CNKSR2: variants seen among roughly 807,000 people sequenced by gnomAD.
CNKSR2 encodes the protein CNK homolog protein 2.
A neutral mutation model predicts 84.4 loss-of-function variants in CNKSR2; 14 were observed. That is an observed-to-expected ratio of 0.17 (90% CI 0.11 to 0.26). The LOEUF is 0.26. Ranked by LOEUF, CNKSR2 falls within the 10% of genes least tolerant of loss-of-function variation. The pLI, the probability that CNKSR2 is intolerant of heterozygous loss-of-function variation, is 1.00. For synonymous variants in CNKSR2, 275 were observed against 277.9 expected (o/e 0.99, Z 0.10); for missense variants, 485 against 771.2 (o/e 0.63, Z 4.40).
chrX:21,472,638 TA>T (rs1366154619), intron 5 of CNKSR2, among the ~76,000 whole-genome samples: 2 of 111,739 alleles, frequency 1.8e-5, no homozygotes, highest in Non-Finnish European at 3.8e-5. Flanking sequence ...TAGTTCCAGT[TA>T]CAAATGCACA....
intron 1 of CNKSR2, among the ~76,000 whole-genome samples, chrX:21,405,341 G>T (rs1465786730): frequency 8.9e-6 from 1 of 111,821 alleles, no homozygotes; most frequent in Non-Finnish European, 1.9e-5. Context: ...AGTGGAATTT[G>T]ATAGCTTTTT....
chrX:21,625,144 G>A (rs539277989), intron 20 of CNKSR2, among the ~76,000 whole-genome samples: 9 of 112,272 alleles, frequency 8.0e-5, no homozygotes, highest in South Asian at 7.3e-4. Context: ...AATGCACATC[G>A]TATTCTAAAA....
rs183793965 is a variant in CNKSR2, at chrX:21,627,250, T to G, written c.2692+17633T>G. On this transcript the variant is annotated intron_variant, in intron 20 of 21. Transcript: ENST00000379510. ...GCTCACACCTGTAATCCCAGCACTT[T>G]AGGAGGCCAAGGCAGGTGGATAATG... Among the ~76,000 whole-genome samples, 5 of 110,169 alleles carry G rather than the reference T, an allele frequency of 4.5e-5. No homozygotes were observed. The East Asian group carries it at 1.4e-3, about 31-fold the overall frequency.
rs751894263 is a variant in CNKSR2, at chrX:21,374,884, C to T, written c.-14C>T. The T allele has an allele frequency of 8.3e-7, 1 of 1,205,711 alleles. No homozygotes were observed. The highest frequency in any genetic ancestry group is 2.2e-5 in the Admixed American group (1 of 46,139). On this transcript the variant is annotated 5_prime_UTR_variant, in exon 1 of 22. Transcript: ENST00000379510. Reference sequence around the variant, plus strand: ...TCTGAGCTCTGCGCTCTGCACGGAACCGACCCCGTACCCATGGCTCTGATA... The same window carrying T: ...TCTGAGCTCTGCGCTCTGCACGGAATCGACCCCGTACCCATGGCTCTGATA...
intron 8 of CNKSR2, chrX:21,506,895 A>G (rs1302498806): frequency 9.1e-6 from 1 of 110,129 alleles, no homozygotes; most frequent in Non-Finnish European, 1.9e-5. Context: ...AAATGTATCT[A>G]TTGGCTGAAG....
intron 12 of CNKSR2, 148 bp from the exon 13 acceptor site, chrX:21,563,090 G>T: frequency 2.3e-6 from 1 of 434,150 alleles, no homozygotes. Flanking sequence ...TATTAGATTG[G>T]GGCAAAAGTA....
At chrX:21,509,439 C>T (rs1194428587) in intron 8 of CNKSR2, among the ~76,000 whole-genome samples, 1 of 111,625 alleles carries the variant, frequency 9.0e-6, no homozygotes, top group Non-Finnish European at 1.9e-5. Flanking sequence ...AGACTTTCTT[C>T]GAATCATGTT....
intron 8 of CNKSR2, among the ~76,000 whole-genome samples, chrX:21,512,001 C>A (rs1259988576): frequency 8.9e-6 from 1 of 111,734 alleles, no homozygotes; most frequent in African/African-American, 3.3e-5. Context: ...TGTATTCACC[C>A]TATTGAGGTA....
At chrX:21,422,647 T>C (rs934686158) in intron 1 of CNKSR2, among the ~76,000 whole-genome samples, 6 of 112,210 alleles carry the variant, frequency 5.3e-5, no homozygotes, top group African/African-American at 1.9e-4. Flanking sequence ...GAACTTATAG[T>C]TGTGTTTATC....
chrX:21,442,910 C>A (rs1404459242), intron 4 of CNKSR2, among the ~76,000 whole-genome samples: 1 of 110,725 alleles, frequency 9.0e-6, no homozygotes, highest in Non-Finnish European at 1.9e-5. Flanking sequence ...AACAGAAAAC[C>A]AAATACCATA....
chrX:21,384,220 T>C (rs1415572043), intron 1 of CNKSR2, among the ~76,000 whole-genome samples: 1 of 111,502 alleles, frequency 9.0e-6, no homozygotes, highest in Non-Finnish European at 1.9e-5. Context: ...CCAAGTTTGA[T>C]GTGGTATAGA....
At chrX:21,597,677 C>T (rs1250971577) in intron 17 of CNKSR2, among the ~76,000 whole-genome samples, 1 of 110,252 alleles carries the variant, frequency 9.1e-6, no homozygotes. Context: ...GGAACACCCA[C>T]CTACAGCTTT....
intron 5 of CNKSR2, among the ~76,000 whole-genome samples, chrX:21,477,254 C>G (rs2091269548): frequency 8.9e-6 from 1 of 111,986 alleles, no homozygotes; most frequent in African/African-American, 3.2e-5. Context: ...GTATATGGCA[C>G]TTTGTATTTT....
Position 21,636,846 on chromosome X carries a change from C to T in CNKSR2, c.2693-11985C>T, listed in dbSNP as rs779180203. Among the ~76,000 whole-genome samples the T allele has an allele frequency of 1.2e-3, 133 of 110,288 alleles. 1 individual carries two copies. Among genetic ancestry groups the T allele is most frequent in the East Asian group, 4.2e-3 (15 of 3,549 alleles). ...AGGCACCCATTAAACCTTTACTGAACGATATATTTCTATAAAAATTAATTA... is the reference window on the plus strand; with the variant it reads ...AGGCACCCATTAAACCTTTACTGAATGATATATTTCTATAAAAATTAATTA... On this transcript the variant is annotated intron_variant, in intron 20 of 21. Coordinates refer to ENST00000379510, the MANE Select transcript of CNKSR2 (RefSeq NM_014927.5).
intron 4 of CNKSR2, among the ~76,000 whole-genome samples, chrX:21,444,562 G>A (rs768223201): frequency 9.1e-6 from 1 of 110,403 alleles, no homozygotes; most frequent in Non-Finnish European, 1.9e-5. Context: ...GTGAAGATTA[G>A]AAACTGATTT....
intron 11 of CNKSR2, among the ~76,000 whole-genome samples, chrX:21,558,373 T>C (rs2092157550): frequency 9.0e-6 from 1 of 111,478 alleles, no homozygotes; most frequent in Non-Finnish European, 1.9e-5. Flanking sequence ...ATAATATACT[T>C]TATTTTTTAA....
chrX:21,434,610 T>G (rs2090679285), intron 3 of CNKSR2, among the ~76,000 whole-genome samples: 2 of 111,673 alleles, frequency 1.8e-5, no homozygotes, highest in Non-Finnish European at 3.8e-5. Flanking sequence ...AGAATAAAAA[T>G]TTTGTCAGTT....
At chrX:21,431,905 A>G (rs1189321303) in intron 2 of CNKSR2, among the ~76,000 whole-genome samples, 1 of 111,841 alleles carries the variant, frequency 8.9e-6, no homozygotes, top group Non-Finnish European at 1.9e-5. Context: ...ACACTTACCA[A>G]AAAGTCACTG....
intron 10 of CNKSR2, among the ~76,000 whole-genome samples, chrX:21,530,938 A>G (rs1287804020): frequency 9.0e-6 from 1 of 110,498 alleles, no homozygotes; most frequent in Non-Finnish European, 1.9e-5. Context: ...AGAATCCTAT[A>G]GAAGAAAAAA....
Sources: gnomAD v4.1 joint callset for allele counts (sites outside exome capture counted in the v4.1 genomes callset) on GRCh38, gnomAD v4.1.1 for gene constraint, MANE v1.5 for transcripts, NCBI Gene and HGNC (gene_info 2026-07-23, HGNC 2026-07-21) for gene names.